CCP110: variants seen among roughly 807,000 people sequenced by gnomAD.
CCP110 encodes centriolar coiled-coil protein 110.
Under a neutral mutation model 105.5 loss-of-function variants are expected in CCP110, and 43 were observed. The observed-to-expected ratio is 0.41, with a 90% CI of 0.32 to 0.53. The LOEUF (loss-of-function observed/expected upper bound fraction) is 0.53. Among genes scored for constraint, CCP110 ranks in the 20% least tolerant of loss-of-function variants. The pLI is 0.32. For synonymous variants in CCP110, 353 were observed against 392.1 expected (o/e 0.90, Z 1.18); for missense variants, 1,016 against 1,189.1 (o/e 0.85, Z 2.14).
chr16:19,532,606 T>C (rs1969914215), intron 3 of CCP110, 62 bp downstream of exon 3: 1 of 1,376,340 alleles, frequency 7.3e-7, no homozygotes, highest in Non-Finnish European at 9.9e-7. Context: ...TTGATGATAA[T>C]TTTTCTGAAA....
chr16:19,532,563 T>A lies in CCP110; in HGVS notation c.270+19T>A. 6.4e-7 allele frequency: 1 copy of A among 1,561,856 alleles called. No homozygotes were observed. Among genetic ancestry groups the A allele is most frequent in the Admixed American group, 2.2e-5 (1 of 45,380 alleles). ...TGTTCAGGTGTGTGATTTTAGCTGT[T>A]TCAGTTATAATAAAGAAATCATAAG... On this transcript the variant is annotated intron_variant, in intron 3 of 14. Transcript: ENST00000381396.
intron 5 of CCP110, 132 bp from the exon 6 acceptor site, chr16:19,541,754 AT>A: frequency 4.3e-6 from 2 of 469,352 alleles, no homozygotes; most frequent in East Asian, 6.9e-5. Context: ...AGGAAGGATA[AT>A]TTGAGGAAGA....
intron 2 of CCP110, among the ~76,000 whole-genome samples, chr16:19,528,467 T>C (rs1969750839): frequency 6.6e-6 from 1 of 152,240 alleles, no homozygotes; most frequent in Non-Finnish European, 1.5e-5. Flanking sequence ...AACTATGGTC[T>C]ATTTTATAAA....
chr16:19,553,385 A>C (rs1597287830), exon 15 of CCP110: 1 of 152,220 alleles, frequency 6.6e-6, no homozygotes, highest in East Asian at 1.9e-4. Context: ...AAAAAGCAAA[A>C]TAAACTTTTC....
At position 19,543,006 on chromosome 16, in the gene CCP110, G is replaced by T; in HGVS notation, c.2484+12G>T. 7.2e-7 allele frequency: 1 copy of T among 1,390,106 alleles called. No homozygotes were observed. The highest frequency in any genetic ancestry group is 1.0e-6 in the Non-Finnish European group (1 of 979,576). The allele number at this position is 1,390,106 out of a possible 1,614,324, so 86.1% of individuals were successfully genotyped here. A position where few individuals can be genotyped will look rare whatever the true frequency, so the allele number is the denominator to read the frequency against. ...GACAAACTGTAAAAGTAAGATTCCT[G>T]TAAATCGTTTGTATTTCACTTCTGT... On this transcript the variant is annotated intron_variant, in intron 8 of 14. Transcript: ENST00000381396.
chr16:19,544,966 A>C (rs1324863674), intron 9 of CCP110, 68 bp downstream of exon 9: 1 of 1,031,118 alleles, frequency 9.7e-7, no homozygotes, highest in Non-Finnish European at 1.5e-6. Flanking sequence ...TTATTTAATC[A>C]CTGAAAATAG....
chr16:19,548,096 A>T lies in CCP110; in HGVS notation c.2900+82A>T. 7 of 975,538 alleles carry T rather than the reference A, an allele frequency of 7.2e-6. No individual in the cohort carries two copies. Among genetic ancestry groups the T allele is most frequent in the Non-Finnish European group, 9.8e-6 (6 of 610,968 alleles). 60.4% of individuals were successfully genotyped at this position (975,538 alleles called of 1,614,324 possible). A position where few individuals can be genotyped will look rare whatever the true frequency, so the allele number is the denominator to read the frequency against. Reference sequence around the variant, plus strand: ...GGGAAAAATAAATCTAGTGTTCTTTATGTAAAGGATAATGGTTTTTCAATG... The same window carrying T: ...GGGAAAAATAAATCTAGTGTTCTTTTTGTAAAGGATAATGGTTTTTCAATG... On this transcript the variant is annotated intron_variant, in intron 13 of 14. Coordinates refer to ENST00000381396, the Ensembl canonical transcript of CCP110. This position sits in a 1 kb window ranked among gnomAD's most constrained non-coding sequence, Gnocchi z 4.1.
At chr16:19,534,287 A>G (rs1969973406) in intron 3 of CCP110, among the ~76,000 whole-genome samples, 1 of 152,220 alleles carries the variant, frequency 6.6e-6, no homozygotes. Flanking sequence ...TTCTTGGTCC[A>G]TTGAGGGAAG....
At chr16:19,546,688 G>A in intron 12 of CCP110, 1 of 366,024 alleles carries the variant, frequency 2.7e-6, no homozygotes, top group South Asian at 3.0e-5. Context: ...GGTGGCACAT[G>A]CCTGTAATCC....
intron 1 of CCP110, 137 bp from the exon 2 acceptor site, chr16:19,527,730 A>G (rs963672750): frequency 1.9e-6 from 1 of 517,878 alleles, no homozygotes; most frequent in East Asian, 3.3e-5. Context: ...TTAGCTCCTG[A>G]TCAGTAAGAC....
chr16:19,541,908 A>G, exon 6 of CCP110: 1 of 1,592,752 alleles, frequency 6.3e-7, no homozygotes, highest in Non-Finnish European at 8.5e-7. Flanking sequence ...GCAGGAGAAA[A>G]TGTTAAAAGA....
At chr16:19,544,150 T>C (rs1433541271) in intron 8 of CCP110, among the ~76,000 whole-genome samples, 1 of 152,188 alleles carries the variant, frequency 6.6e-6, no homozygotes, top group Non-Finnish European at 1.5e-5. Flanking sequence ...AATTCCTCTC[T>C]TTGTACTCTT....
chr16:19,524,701 T>C (rs1237067659), intron 1 of CCP110: 1 of 152,114 alleles, frequency 6.6e-6, no homozygotes, highest in Non-Finnish European at 1.5e-5. Context: ...ATGGCAGCCA[T>C]CTCGAGATTG....
At position 19,545,713 on chromosome 16, in the gene CCP110, T is replaced by C. The variant is rs574653880; in HGVS notation, c.2704-104T>C. The C allele has an allele frequency of 1.8e-5, 12 of 683,556 alleles. No homozygotes were observed. In the South Asian group the frequency reaches 2.1e-4, roughly 12 times the overall value. 42.3% of individuals were successfully genotyped at this position (683,556 alleles called of 1,614,324 possible). The stretch of plus-strand genomic sequence containing the variant: ...GATGATTTAACTAAATTAAAAATGT[T>C]AGTAGAGAGAAGCTTTTCCAGGCAA... On this transcript the variant is annotated intron_variant, in intron 10 of 14. Transcript: ENST00000381396.
chr16:19,547,312 C>G (rs374733218), intron 12 of CCP110: 29 of 152,598 alleles, frequency 1.9e-4, no homozygotes, highest in African/African-American at 6.5e-4. Context: ...ACTCAGGAGG[C>G]TGAGGCAGGA....
chr16:19,529,592 A>T (rs963722561), intron 2 of CCP110, among the ~76,000 whole-genome samples: 27 of 152,222 alleles, frequency 1.8e-4, no homozygotes, highest in Admixed American at 1.6e-3. Context: ...TGACATTTTT[A>T]AAAATTGCCT....
At chr16:19,540,311 G>C (rs1039001769) in intron 4 of CCP110, among the ~76,000 whole-genome samples, 4 of 152,202 alleles carry the variant, frequency 2.6e-5, no homozygotes, top group Non-Finnish European at 4.4e-5. Flanking sequence ...TGGAGGACAA[G>C]TGTCAAAAAA....
chr16:19,523,945 G>T, exon 1 of CCP110: 1 of 154,268 alleles, frequency 6.5e-6, no homozygotes, highest in Non-Finnish European at 1.4e-5. Context: ...CCGCGTTGCA[G>T]CCTGAGATCC....
rs753366012 is a variant in CCP110 at position 19,537,566 on chromosome 16, A to G, written c.1897A>G (p.Met633Val). ...ATCTGGCTTCGTTAACAAGAATAAA[A>G]TGTTAGGAACTAGTTCCAAAGGTAA... Residue 633 changes from methionine to valine, a missense_variant, in exon 4 of 15, where the codon ATG (methionine) becomes GTG (valine). Coordinates refer to ENST00000381396, the Ensembl canonical transcript of CCP110. 9.5e-6 allele frequency: 15 copies of G among 1,575,246 alleles called. No individual in the cohort carries two copies. The Admixed American group carries it at 2.6e-4, about 28-fold the overall frequency.
Sources: allele counts gnomAD v4.1 joint callset (sites outside exome capture counted in the v4.1 genomes callset), GRCh38; gene constraint gnomAD v4.1.1; non-coding constraint Gnocchi (gnomAD v3.1); transcripts MANE v1.5; gene names NCBI Gene and HGNC (gene_info 2026-07-23, HGNC 2026-07-21).